The following NPHS2 variants were observed in gnomAD, a reference collection of about 807,000 sequenced individuals.
The protein encoded by NPHS2 is NPHS2 stomatin family member, podocin.
Under a neutral mutation model 37.1 loss-of-function variants are expected in NPHS2, and 36 were observed. The observed-to-expected ratio is 0.97, with a 90% CI of 0.74 to 1.28. The LOEUF (loss-of-function observed/expected upper bound fraction) is 1.28. Ranked by LOEUF, NPHS2 falls within the 50% of genes most tolerant of loss-of-function variation. NPHS2 has a pLI of 0.00. For synonymous variants in NPHS2, 196 were observed against 189.3 expected (o/e 1.04, Z -0.29); for missense variants, 447 against 488.1 (o/e 0.92, Z 0.79).
At chr1:179,561,734 A>T (rs1674143993) in intron 2 of NPHS2, among the ~76,000 whole-genome samples, 1 of 152,134 alleles carries the variant, frequency 6.6e-6, no homozygotes, top group Non-Finnish European at 1.5e-5. Flanking sequence ...AAGAGGGAGT[A>T]TATTTTAATA....
At position 179,554,152 on chromosome 1, in the gene NPHS2, G is replaced by A. The variant is rs530572854; in HGVS notation, c.794+324C>T. Among the ~76,000 whole-genome samples the A allele has an allele frequency of 3.9e-5, 6 of 152,232 alleles. 1 individual carries two copies. Among genetic ancestry groups the A allele is most frequent in the Middle Eastern group, 6.8e-3 (2 of 294 alleles). On this transcript the variant is annotated intron_variant, in intron 6 of 7. Transcript: ENST00000367615. The stretch of plus-strand genomic sequence containing the variant: ...TGGTCTCAAACTCCTGACCTCAAGC[G>A]ATCCACCCACCTTGGCATCCCAGAG...
Position 179,575,653 on chromosome 1 carries a change from C to T in NPHS2, c.212G>A (p.Arg71Gln), listed in dbSNP as rs1417320743. The T allele has an allele frequency of 6.2e-7, 1 of 1,603,672 alleles. No homozygotes were observed. The highest frequency in any genetic ancestry group is 8.5e-7 in the Non-Finnish European group (1 of 1,179,702). The stretch of plus-strand genomic sequence containing the variant: ...CTCGGTGCCCTCCTCGCCGGAGCCT[C>T]GGACCTCATCCACGTCCACCACCGT... ...AATVVDVDEVRGSGEEGTEVV... is the reference protein window; with the variant it reads ...AATVVDVDEVQGSGEEGTEVV... Residue 71 changes from arginine to glutamine, a missense_variant, in exon 1 of 8, where the codon CGA (arginine) becomes CAA (glutamine). Transcript: ENST00000367615.
chr1:179,566,757 G>C (rs1674348397), intron 1 of NPHS2, among the ~76,000 whole-genome samples: 1 of 152,166 alleles, frequency 6.6e-6, no homozygotes, highest in African/African-American at 2.4e-5. Context: ...TGTAAGGAAG[G>C]GATCCAGTTT....
At chr1:179,558,482 A>T (rs1043924305) in intron 4 of NPHS2, among the ~76,000 whole-genome samples, 2 of 152,166 alleles carry the variant, frequency 1.3e-5, no homozygotes, top group African/African-American at 4.8e-5. Context: ...CTCTTCAGTC[A>T]TCAGTAGACA....
rs763868507 is a variant in NPHS2 at position 179,570,986 on chromosome 1, G to A, written c.274+4605C>T. Among the ~76,000 whole-genome samples, 3 of 152,084 alleles carry A rather than the reference G, an allele frequency of 2.0e-5. 1 individual carries two copies. Among genetic ancestry groups the A allele is most frequent in the Non-Finnish European group, 4.4e-5 (3 of 68,022 alleles). ...GTCTAATCTTTTTTAAAGGTTTTAA[G>A]CTTCCTTGCGATGGGTTCGAACATC... On this transcript the variant is annotated intron_variant, in intron 1 of 7. Coordinates refer to ENST00000367615, the MANE Select transcript of NPHS2 (RefSeq NM_014625.4).
intron 2 of NPHS2, among the ~76,000 whole-genome samples, chr1:179,563,365 T>C (rs1445221805): frequency 6.6e-6 from 1 of 152,098 alleles, no homozygotes; most frequent in Non-Finnish European, 1.5e-5. Flanking sequence ...AAATAGACAA[T>C]TCAGTAGTGA....
intron 2 of NPHS2, 95 bp downstream of exon 2, chr1:179,564,595 A>T: frequency 1.9e-6 from 2 of 1,049,266 alleles, no homozygotes; most frequent in Admixed American, 1.8e-5. Flanking sequence ...CACATGGAGC[A>T]ATAACATGTA....
At chr1:179,562,377 T>A (rs564537293) in intron 2 of NPHS2, among the ~76,000 whole-genome samples, 2 of 152,342 alleles carry the variant, frequency 1.3e-5, no homozygotes, top group South Asian at 4.1e-4. Context: ...GATGAGGCAC[T>A]CCTTGATGAT....
intron 1 of NPHS2, among the ~76,000 whole-genome samples, chr1:179,566,437 T>G (rs1674338251): frequency 1.3e-5 from 2 of 152,254 alleles, no homozygotes; most frequent in South Asian, 2.1e-4. Flanking sequence ...TAAATTTGTT[T>G]GAGTTCTTTG....
In NPHS2 at chr1:179,550,792, G is replaced by A; in HGVS notation, c.*381C>T. 3.2e-6 allele frequency: 1 copy of A among 308,664 alleles called. No homozygotes were observed. Among genetic ancestry groups the A allele is most frequent in the Non-Finnish European group, 6.3e-6 (1 of 159,278 alleles). 19.1% of individuals were successfully genotyped at this position (308,664 alleles called of 1,614,324 possible). On this transcript the variant is annotated 3_prime_UTR_variant, in exon 8 of 8. Transcript: ENST00000367615. ...GTGACAAGCCCAATGATAGGTGCTT[G>A]TAGGAAGGGCTGTGGGAGCTGTGGC...
In NPHS2 at chr1:179,550,804, G is replaced by A; in HGVS notation, c.*369C>T. The A allele has an allele frequency of 3.1e-6, 1 of 320,012 alleles. No individual in the cohort carries two copies. Among genetic ancestry groups the A allele is most frequent in the Non-Finnish European group, 6.0e-6 (1 of 165,662 alleles). The allele number at this position is 320,012 out of a possible 1,614,324, so 19.8% of individuals were successfully genotyped here. On this transcript the variant is annotated 3_prime_UTR_variant, in exon 8 of 8. Coordinates refer to ENST00000367615, the MANE Select transcript of NPHS2 (RefSeq NM_014625.4). ...ATGATAGGTGCTTGTAGGAAGGGCT[G>A]TGGGAGCTGTGGCAACCTTGCCAAA...
chr1:179,569,371 T>C (rs36154977), intron 1 of NPHS2, among the ~76,000 whole-genome samples: 24,649 of 151,864 alleles, frequency 0.16, 2,509 homozygotes, highest in East Asian at 0.35. Context: ...CAACCCCTGC[T>C]TTTTTTCGCT....
In NPHS2 at chr1:179,551,349, T is replaced by C. The variant is rs1249287688; in HGVS notation, c.976A>G (p.Thr326Ala). The C allele has an allele frequency of 6.2e-7, 1 of 1,613,864 alleles. No homozygotes were observed. The change falls in exon 8 of 8, where the codon ACC (threonine) becomes GCC (alanine). Residue 326 changes from threonine to alanine, a missense_variant. Transcript: ENST00000367615. ...PAAVQLRYLH[T>A]LQSLSTEKPS... ...TTCTCTGTGGACAGAGACTGAAGGG[T>C]GTGGAGGTATCGAAGCTGAACGGCA...
At chr1:179,574,312 C>A (rs541735936) in intron 1 of NPHS2, among the ~76,000 whole-genome samples, 1 of 152,190 alleles carries the variant, frequency 6.6e-6, no homozygotes, top group Admixed American at 6.5e-5. Flanking sequence ...CCCAGCTACA[C>A]GACTTGGGCA....
intron 1 of NPHS2, among the ~76,000 whole-genome samples, chr1:179,572,116 G>A (rs1279072173): frequency 1.3e-5 from 2 of 152,218 alleles, no homozygotes; most frequent in East Asian, 3.8e-4. Context: ...AGTTACCTCA[G>A]TTGGAAATGC....
intron 2 of NPHS2, among the ~76,000 whole-genome samples, chr1:179,561,589 T>C (rs1162857665): frequency 6.6e-6 from 1 of 152,232 alleles, no homozygotes; most frequent in Non-Finnish European, 1.5e-5. Context: ...AGAATTTTGA[T>C]TAAAGACTTA....
At chr1:179,554,586 T>C (rs1673799400) in intron 5 of NPHS2, 55 bp from the exon 6 acceptor site, 10 of 1,611,672 alleles carry the variant, frequency 6.2e-6, no homozygotes, top group Non-Finnish European at 5.9e-6. Flanking sequence ...GAGGAGAGCA[T>C]GCCTAAACCC....
rs74518676 is a variant in NPHS2, at chr1:179,551,656, G to A, written c.874-205C>T. ...TTAATCACAATTTAAGGTGGAATGC[G>A]TTAGGAGCCATCACAAGTATAAATG... On this transcript the variant is annotated intron_variant, in intron 7 of 7. Coordinates refer to ENST00000367615, the MANE Select transcript of NPHS2 (RefSeq NM_014625.4). The A allele has an allele frequency of 8.7e-3, 5,210 of 598,596 alleles. 214 individuals carry two copies. The highest frequency in any genetic ancestry group is 0.085 in the African/African-American group (4,580 of 54,024). 37.1% of individuals were successfully genotyped at this position (598,596 alleles called of 1,614,324 possible).
At chr1:179,563,162 C>T (rs753286029) in intron 2 of NPHS2, among the ~76,000 whole-genome samples, 30 of 152,108 alleles carry the variant, frequency 2.0e-4, no homozygotes, top group African/African-American at 3.1e-4. Context: ...TAAAGTAGAG[C>T]GGGAATGGCT....
Sources: gnomAD v4.1 joint callset for allele counts (sites outside exome capture counted in the v4.1 genomes callset) on GRCh38, gnomAD v4.1.1 for gene constraint, MANE v1.5 for transcripts, NCBI Gene and HGNC (gene_info 2026-07-23, HGNC 2026-07-21) for gene names.